ENPP2: variants seen among roughly 807,000 people sequenced by gnomAD.
ENPP2 encodes ectonucleotide pyrophosphatase/phosphodiesterase 2.
A neutral mutation model predicts 120.2 loss-of-function variants in ENPP2; 51 were observed. The ratio of observed to expected loss-of-function variants is 0.42; its 90% CI spans 0.34 to 0.54. The LOEUF is 0.54. Among genes scored for constraint, ENPP2 ranks in the 20% least tolerant of loss-of-function variants. The pLI, the probability that ENPP2 is intolerant of heterozygous loss-of-function variation, is 0.04. For synonymous variants in ENPP2, 365 were observed against 366.4 expected (o/e 1.00, Z 0.04); for missense variants, 920 against 1,066.5 (o/e 0.86, Z 1.91).
chr8:119,561,867 A>G (rs993015547), intron 24 of ENPP2, among the ~76,000 whole-genome samples: 5 of 152,118 alleles, frequency 3.3e-5, no homozygotes, highest in Admixed American at 6.5e-5. Flanking sequence ...GGCTGGGTGC[A>G]GTGGCTCACG....
chr8:119,601,331 T>G (rs1399472798), intron 10 of ENPP2, 66 bp downstream of exon 10: 1 of 1,085,722 alleles, frequency 9.2e-7, no homozygotes, highest in Non-Finnish European at 1.4e-6. Flanking sequence ...CACAGTCTAG[T>G]GTTTCACGCA....
chr8:119,616,288 G>A lies in ENPP2; in HGVS notation c.754C>T (p.His252Tyr), dbSNP rs776962188. The change falls in exon 8 of 25, where the codon CAT becomes TAT. Residue 252 changes from histidine (H) to tyrosine (Y), a missense_variant. Physicochemically the swap from His to Tyr is moderately conservative, Grantham distance 83 (BLOSUM62 2). Coordinates refer to ENST00000075322, the MANE Select transcript of ENPP2 (RefSeq NM_001040092.3). ...FHLRGREKFN[H>Y]RWWGGQPLWI... The stretch of plus-strand genomic sequence containing the variant: ...ACCGGTTGACCTCCCCACCATCTAT[G>A]ATTAAATTTCTCTCGCCCTCGCAGA... The A allele has an allele frequency of 2.5e-6, 4 of 1,606,834 alleles. No homozygotes were observed. In the Admixed American group the frequency reaches 5.0e-5, roughly 20 times the overall value.
chr8:119,612,146 C>T (rs7464710), intron 8 of ENPP2, among the ~76,000 whole-genome samples: 3 of 152,026 alleles, frequency 2.0e-5, no homozygotes, highest in African/African-American at 7.2e-5. Flanking sequence ...AAGGCCTCCT[C>T]GGGACAGACA....
chr8:119,639,057 A>G (rs73714490), upstream of ENPP2, among the ~76,000 whole-genome samples: 708 of 152,200 alleles, frequency 4.7e-3, 4 homozygotes, highest in African/African-American at 0.017. Flanking sequence ...CTCTGGCAAC[A>G]GGAGGGTTTG....
chr8:119,622,459 C>G (rs982678794), intron 3 of ENPP2, among the ~76,000 whole-genome samples: 1 of 152,200 alleles, frequency 6.6e-6, no homozygotes, highest in Non-Finnish European at 1.5e-5. Flanking sequence ...ACAGATTTCC[C>G]TCTGAACATA....
intron 2 of ENPP2, among the ~76,000 whole-genome samples, chr8:119,636,999 C>T (rs186073786): frequency 1.6e-4 from 25 of 152,100 alleles, no homozygotes; most frequent in Admixed American, 3.3e-4. Flanking sequence ...AAGGAAACAG[C>T]ATTTAATTCT....
intron 1 of ENPP2, among the ~76,000 whole-genome samples, chr8:119,650,303 A>C (rs767359256): frequency 1.3e-5 from 2 of 152,190 alleles, no homozygotes; most frequent in Non-Finnish European, 2.9e-5. Flanking sequence ...CAGGGGATAA[A>C]AGGTCAATTA....
chr8:119,573,898 A>G (rs1812149119), intron 19 of ENPP2, among the ~76,000 whole-genome samples: 1 of 152,258 alleles, frequency 6.6e-6, no homozygotes, highest in Admixed American at 6.5e-5. Context: ...CAGCTGGAAC[A>G]CAAAAGTATC....
intron 2 of ENPP2, among the ~76,000 whole-genome samples, chr8:119,631,681 T>G (rs748501035): frequency 4.1e-4 from 62 of 152,220 alleles, no homozygotes; most frequent in Non-Finnish European, 7.9e-4. Context: ...ATATTCACTC[T>G]GCCTTTCCAG....
At chr8:119,586,906 C>A in intron 14 of ENPP2, 138 bp downstream of exon 14, 3 of 699,716 alleles carry the variant, frequency 4.3e-6, no homozygotes, top group Non-Finnish European at 5.0e-6. Context: ...CTTAAGGAAA[C>A]AAATATACAG....
intron 1 of ENPP2, among the ~76,000 whole-genome samples, chr8:119,651,238 A>C (rs1246866376): frequency 6.6e-6 from 1 of 152,194 alleles, no homozygotes; most frequent in South Asian, 2.1e-4. Flanking sequence ...AGTCTCAAAA[A>C]TTTCAGAAAG....
At chr8:119,649,417 A>G (rs1011738128) in intron 1 of ENPP2, among the ~76,000 whole-genome samples, 3 of 151,388 alleles carry the variant, frequency 2.0e-5, no homozygotes, top group African/African-American at 7.3e-5. Context: ...AAAAAAAAAG[A>G]AAAGAAAAGA....
chr8:119,573,408 T>TA (rs35227070), intron 19 of ENPP2, among the ~76,000 whole-genome samples: 44,696 of 124,406 alleles, frequency 0.36, 8,132 homozygotes, highest in South Asian at 0.5. Context: ...CTCCGTCTCT[T>TA]AAAAAAAAAA....
chr8:119,570,723 T>C lies in ENPP2; in HGVS notation c.1899A>G (p.Ser633=). Reference sequence around the variant, plus strand: ...CAATGACCTGTTTGGAAACAGTATATGATGTCCAGAGTGGCATTAGGAATA... The same window carrying C: ...CAATGACCTGTTTGGAAACAGTATACGATGTCCAGAGTGGCATTAGGAATA... ...SEIFLMPLWT[S]YTVSKQAEVS... Residue 633 remains serine (S), a synonymous_variant, in exon 20 of 25, where the codon TCA becomes TCG. Coordinates refer to ENST00000075322, the MANE Select transcript of ENPP2 (RefSeq NM_001040092.3). 7 of 1,575,136 alleles carry C rather than the reference T, an allele frequency of 4.4e-6. No individual in the cohort carries two copies. Among genetic ancestry groups the C allele is most frequent in the African/African-American group, 1.4e-5 (1 of 73,254 alleles).
chr8:119,580,054 A>C, intron 19 of ENPP2, 62 bp downstream of exon 19: 1 of 1,076,780 alleles, frequency 9.3e-7, no homozygotes, highest in South Asian at 1.3e-5. Context: ...GTAAATAAGA[A>C]GCCTTTTCGA....
intron 3 of ENPP2, among the ~76,000 whole-genome samples, chr8:119,622,100 T>C (rs1312619788): frequency 1.3e-5 from 2 of 152,116 alleles, no homozygotes. Flanking sequence ...GGCTAATTTT[T>C]GTATTTTTAG....
chr8:119,636,255 A>C (rs1278557679), intron 2 of ENPP2, among the ~76,000 whole-genome samples: 1 of 152,244 alleles, frequency 6.6e-6, no homozygotes, highest in Admixed American at 6.5e-5. Flanking sequence ...CTTTCTAAGC[A>C]TATGCAGCAT....
chr8:119,580,211 G>A (rs767107331), intron 18 of ENPP2, 44 bp from the exon 19 acceptor site: 1 of 1,507,024 alleles, frequency 6.6e-7, no homozygotes, highest in Non-Finnish European at 9.2e-7. Context: ...AAGCAAATCA[G>A]AAATGTTCTT....
At chr8:119,672,233 G>T (rs546844110) in intron 1 of ENPP2, among the ~76,000 whole-genome samples, 1 of 152,168 alleles carries the variant, frequency 6.6e-6, no homozygotes, top group Non-Finnish European at 1.5e-5. Flanking sequence ...TGACCACTGC[G>T]GGGGAAACCG....
Sources: allele counts gnomAD v4.1 joint callset (sites outside exome capture counted in the v4.1 genomes callset), GRCh38; gene constraint gnomAD v4.1.1; transcripts MANE v1.5; gene names NCBI Gene and HGNC (gene_info 2026-07-23, HGNC 2026-07-21).